The following MACROD2 variants were observed in gnomAD, a reference collection of about 807,000 sequenced individuals.
The protein encoded by MACROD2 is mono-ADP ribosylhydrolase 2.
MACROD2 carries 36 observed loss-of-function variants against 70.4 expected under a neutral mutation model. That is an observed-to-expected ratio of 0.51 (90% CI 0.39 to 0.68). MACROD2 has a LOEUF of 0.68. Among genes scored for constraint, MACROD2 ranks in the 30% least tolerant of loss-of-function variants. The probability of loss-of-function intolerance (pLI) is 0.00; values close to 1 mark genes in which losing one functional copy is unlikely to be tolerated. For missense variants in MACROD2, 496 were observed against 538.4 expected (o/e 0.92, Z 0.78); for synonymous variants, 172 against 178.8 (o/e 0.96, Z 0.30).
chr20:15,273,282 G>A (rs530448545), intron 6 of MACROD2, among the ~76,000 whole-genome samples: 9 of 152,144 alleles, frequency 5.9e-5, no homozygotes, highest in African/African-American at 2.2e-4. Context: ...TCCTGTGCTG[G>A]ATACTTCCTG....
At chr20:14,848,367 C>A (rs2073164519) in intron 5 of MACROD2, among the ~76,000 whole-genome samples, 1 of 152,128 alleles carries the variant, frequency 6.6e-6, no homozygotes, top group South Asian at 2.1e-4. Context: ...CTAGTGTTTT[C>A]TCTCCTTTTA....
chr20:14,568,801 C>T (rs537459031), intron 4 of MACROD2, among the ~76,000 whole-genome samples: 15 of 151,974 alleles, frequency 9.9e-5, no homozygotes, highest in Admixed American at 3.3e-4. Context: ...CATTTTTCTA[C>T]GTGAGCGACT....
chr20:15,216,413 G>T (rs2076810615), intron 5 of MACROD2, among the ~76,000 whole-genome samples: 1 of 151,936 alleles, frequency 6.6e-6, no homozygotes, highest in African/African-American at 2.4e-5. Context: ...AAAACTTCTG[G>T]AAAGGAGAAA....
chr20:15,674,374 G>A (rs1202688558), intron 8 of MACROD2, among the ~76,000 whole-genome samples: 1 of 152,066 alleles, frequency 6.6e-6, no homozygotes, highest in Non-Finnish European at 1.5e-5. Flanking sequence ...GAGGTGAGGG[G>A]AGGCAGTGCG....
intron 4 of MACROD2, among the ~76,000 whole-genome samples, chr20:14,577,333 G>A (rs955950838): frequency 7.2e-5 from 11 of 152,196 alleles, no homozygotes; most frequent in Non-Finnish European, 1.5e-4. Context: ...CTAAACATAC[G>A]TATCAATAAA....
At chr20:14,877,069 T>C (rs946348168) in intron 5 of MACROD2, among the ~76,000 whole-genome samples, 9 of 152,074 alleles carry the variant, frequency 5.9e-5, no homozygotes, top group African/African-American at 2.2e-4. Flanking sequence ...TAAGGATATA[T>C]ACTCTTCCAA....
chr20:15,735,041 A>T (rs1466351286), intron 8 of MACROD2, among the ~76,000 whole-genome samples: 13 of 151,854 alleles, frequency 8.6e-5, no homozygotes, highest in Non-Finnish European at 2.9e-5. Context: ...GTTCACTGCA[A>T]CCTCCACCTC....
At chr20:14,094,065 CCCTTTGGCTGCAGTGTG>C (rs1431890696) in intron 3 of MACROD2, among the ~76,000 whole-genome samples, 1 of 151,430 alleles carries the variant, frequency 6.6e-6, no homozygotes, top group Non-Finnish European at 1.5e-5. Context: ...TTAGAGAGAT[CCCTTTGGCTGCAGTGTG>C]AAGGATAAAT....
chr20:14,865,208 G>A (rs1735369472), intron 5 of MACROD2, among the ~76,000 whole-genome samples: 1 of 152,094 alleles, frequency 6.6e-6, no homozygotes, highest in Non-Finnish European at 1.5e-5. Flanking sequence ...AGAAGCCAGG[G>A]AATTTCTGCC....
chr20:14,261,379 C>T (rs1207085350), intron 3 of MACROD2, among the ~76,000 whole-genome samples: 1 of 152,086 alleles, frequency 6.6e-6, no homozygotes, highest in Non-Finnish European at 1.5e-5. Flanking sequence ...CTTTTTTCTA[C>T]TTTCGCATTT....
In MACROD2 at chr20:14,407,724, A is replaced by G. The variant is rs1366613750; in HGVS notation, c.272-85755A>G. 5.3e-5 allele frequency among the ~76,000 whole-genome samples: 8 copies of G among 152,298 alleles called. No homozygotes were observed. The South Asian group carries it at 1.0e-3, about 20-fold the overall frequency. On this transcript the variant is annotated intron_variant, in intron 3 of 17. Transcript: ENST00000684519. Reference sequence around the variant, plus strand: ...CTGGATTTTATATTCTGGAAATGCAATTTACAACTTGCTTGCCTTTATTTA... The same window carrying G: ...CTGGATTTTATATTCTGGAAATGCAGTTTACAACTTGCTTGCCTTTATTTA...
chr20:15,209,457 T>C (rs1466663841), intron 5 of MACROD2, among the ~76,000 whole-genome samples: 1 of 152,194 alleles, frequency 6.6e-6, no homozygotes, highest in Non-Finnish European at 1.5e-5. Context: ...TAGGAAAAGA[T>C]GAAAATAACC....
chr20:15,294,876 C>G (rs950828336), intron 6 of MACROD2, among the ~76,000 whole-genome samples: 1 of 152,198 alleles, frequency 6.6e-6, no homozygotes, highest in African/African-American at 2.4e-5. Context: ...AAAACACTCT[C>G]TTTAGGCATC....
At chr20:14,706,168 G>T (rs1466360348) in intron 5 of MACROD2, among the ~76,000 whole-genome samples, 3 of 152,018 alleles carry the variant, frequency 2.0e-5, no homozygotes, top group Non-Finnish European at 2.9e-5. Flanking sequence ...ACAAAAATTA[G>T]CTGGGTGTGG....
Position 15,192,026 on chromosome 20 carries a change from C to G in MACROD2, c.419-37914C>G, listed in dbSNP as rs76322772. Among the ~76,000 whole-genome samples, 35 of 83,460 alleles carry G rather than the reference C, an allele frequency of 4.2e-4. No individual in the cohort carries two copies. The East Asian group carries it at 0.02, about 48-fold the overall frequency. The allele number at this position is 83,460 out of a possible 152,430, so 54.8% of individuals were successfully genotyped here. ...CTCTATTAACTATGTATCTATCTAT[C>G]TATCTATCTATCTATCTATCTATCT... On this transcript the variant is annotated intron_variant, in intron 5 of 17. Coordinates refer to ENST00000684519, the MANE Select transcript of MACROD2 (RefSeq NM_001351661.2).
chr20:15,431,338 G>A lies in MACROD2; in HGVS notation c.541-67G>A, dbSNP rs965322061. 3.5e-6 allele frequency: 5 copies of A among 1,419,302 alleles called. No individual in the cohort carries two copies. In the African/African-American group the frequency reaches 4.2e-5, roughly 12 times the overall value. 87.9% of individuals were successfully genotyped at this position (1,419,302 alleles called of 1,614,324 possible). A position where few individuals can be genotyped will look rare whatever the true frequency, so the allele number is the denominator to read the frequency against. On this transcript the variant is annotated intron_variant, in intron 6 of 17. Coordinates refer to ENST00000684519, the MANE Select transcript of MACROD2 (RefSeq NM_001351661.2). ...CCCATTATCAAACAAAATAGATGTT[G>A]AGAAAGATGATGTTGCGTAGAGTTG...
rs140480782 is a variant in MACROD2 at position 15,571,612 on chromosome 20, G to A, written c.645+71765G>A. Among the ~76,000 whole-genome samples, 163 of 152,096 alleles carry A rather than the reference G, an allele frequency of 1.1e-3. 5 individuals are homozygous for A. The East Asian group carries it at 0.029, about 27-fold the overall frequency. ...TGAAAAATTAAATTTTGCTTCTTGT[G>A]CCTCTGTATCTGTAGCAGATAATGG... On this transcript the variant is annotated intron_variant, in intron 8 of 17. Transcript: ENST00000684519.
At chr20:14,343,769 T>C (rs1240964828) in intron 3 of MACROD2, among the ~76,000 whole-genome samples, 1 of 152,224 alleles carries the variant, frequency 6.6e-6, no homozygotes, top group Non-Finnish European at 1.5e-5. Flanking sequence ...GAGGAATGAC[T>C]AACAGTTAAT....
intron 16 of MACROD2, 24 bp from the exon 17 acceptor site, chr20:16,044,547 C>A: frequency 7.5e-7 from 1 of 1,329,614 alleles, no homozygotes; most frequent in East Asian, 2.6e-5. Flanking sequence ...GAATATTTAA[C>A]TTTTTTTTTT....
Sources: allele counts gnomAD v4.1 joint callset (sites outside exome capture counted in the v4.1 genomes callset), GRCh38; gene constraint gnomAD v4.1.1; transcripts MANE v1.5; gene names NCBI Gene and HGNC (gene_info 2026-07-23, HGNC 2026-07-21).